Variants in FRMD6 observed in about 807,000 individuals in gnomAD.
The protein encoded by FRMD6 is FERM domain-containing protein 6.
FRMD6 carries 37 observed loss-of-function variants against 73.2 expected under a neutral mutation model. That is an observed-to-expected ratio of 0.51 (90% CI 0.39 to 0.66). FRMD6 has a LOEUF of 0.66. Among genes scored for constraint, FRMD6 ranks in the 30% least tolerant of loss-of-function variants. The pLI is 0.00. For synonymous variants in FRMD6, 273 were observed against 282.2 expected (o/e 0.97, Z 0.33); for missense variants, 714 against 780.5 (o/e 0.91, Z 1.02).
intron 11 of FRMD6, among the ~76,000 whole-genome samples, 188 bp from the exon 12 acceptor site, chr14:51,721,761 G>GGGAAGGAGGGAAGGAAGGAAGGAA (rs1555340799): frequency 2.2e-5 from 3 of 137,236 alleles, no homozygotes; most frequent in African/African-American, 8.7e-5. Flanking sequence ...GAAGGAAGGA[G>GGGAAGGAGGGAAGGAAGGAAGGAA]GGAAGGAGGG....
At chr14:51,416,799 T>G in the FRMD6 span, among the ~76,000 whole-genome samples, 15 of 152,218 alleles carry the variant, frequency 9.9e-5, no homozygotes, top group African/African-American at 3.6e-4. Flanking sequence ...AGTCTCTTTG[T>G]AGGTCTCTAA....
At chr14:51,718,438 A>G (rs1342302150) in intron 10 of FRMD6, among the ~76,000 whole-genome samples, 1 of 152,270 alleles carries the variant, frequency 6.6e-6, no homozygotes, top group East Asian at 1.9e-4. Flanking sequence ...ATTATTTTAG[A>G]ACAATGGAAC....
At chr14:51,722,514 G>C (rs911881164) in intron 12 of FRMD6, among the ~76,000 whole-genome samples, 2 of 151,854 alleles carry the variant, frequency 1.3e-5, no homozygotes, top group African/African-American at 4.8e-5. Context: ...TTTGTTTTTT[G>C]TTTTTCCCAC....
At chr14:51,425,976 G>A in the FRMD6 span, among the ~76,000 whole-genome samples, 1 of 152,040 alleles carries the variant, frequency 6.6e-6, no homozygotes, top group Non-Finnish European at 1.5e-5. Flanking sequence ...TGAGTGGATG[G>A]ATCTTCCTGG....
At chr14:51,490,576 G>T (rs1882934254) in intron 1 of FRMD6, among the ~76,000 whole-genome samples, 1 of 151,812 alleles carries the variant, frequency 6.6e-6, no homozygotes, top group South Asian at 2.1e-4. Flanking sequence ...TATAGTGTGT[G>T]GGGCACAGTG....
chr14:51,498,907 T>TA (rs1883452599), intron 1 of FRMD6, among the ~76,000 whole-genome samples: 1 of 152,226 alleles, frequency 6.6e-6, no homozygotes, highest in African/African-American at 2.4e-5. Context: ...AAGCACTTTT[T>TA]AGCACAGTCC....
intron 1 of FRMD6, among the ~76,000 whole-genome samples, chr14:51,685,672 A>G (rs576621187): frequency 9.8e-5 from 15 of 152,320 alleles, no homozygotes; most frequent in Admixed American, 2.6e-4. Flanking sequence ...GTTATCCATT[A>G]TATCTTCCTT....
chr14:51,643,745 A>T (rs146690697), intron 2 of FRMD6: 5 of 152,356 alleles, frequency 3.3e-5, no homozygotes, highest in Non-Finnish European at 7.3e-5. Context: ...AGGAAACACA[A>T]GGTGCAGTTA....
At chr14:51,710,030 T>A (rs1246647137) in intron 7 of FRMD6, among the ~76,000 whole-genome samples, 1 of 152,166 alleles carries the variant, frequency 6.6e-6, no homozygotes, top group East Asian at 1.9e-4. Flanking sequence ...GCTTTTTGCC[T>A]TATTTGCTGG....
chr14:51,593,717 G>A (rs1423754063), intron 2 of FRMD6, among the ~76,000 whole-genome samples: 2 of 152,136 alleles, frequency 1.3e-5, no homozygotes, highest in Admixed American at 6.5e-5. Flanking sequence ...CATTCTCAAA[G>A]AGAATAATCT....
intron 1 of FRMD6, among the ~76,000 whole-genome samples, chr14:51,661,463 T>C (rs1385534585): frequency 6.6e-6 from 1 of 152,204 alleles, no homozygotes; most frequent in Admixed American, 6.5e-5. Context: ...GAATGAACTA[T>C]GAGTTGTTTT....
chr14:51,612,864 G>T (rs998835092), intron 2 of FRMD6, among the ~76,000 whole-genome samples: 1 of 152,186 alleles, frequency 6.6e-6, no homozygotes, highest in Non-Finnish European at 1.5e-5. Context: ...AATATAACAT[G>T]ATAGATATGT....
At chr14:51,508,002 C>T (rs1263186216) in intron 1 of FRMD6, among the ~76,000 whole-genome samples, 1 of 152,162 alleles carries the variant, frequency 6.6e-6, no homozygotes, top group East Asian at 1.9e-4. Flanking sequence ...TGGGAGCCCC[C>T]TCATCCTTTG....
At chr14:51,456,589 T>G in the FRMD6 span, among the ~76,000 whole-genome samples, 1 of 152,228 alleles carries the variant, frequency 6.6e-6, no homozygotes, top group South Asian at 2.1e-4. Context: ...GATGATGAAC[T>G]TTTTTTTCAT....
intron 1 of FRMD6, among the ~76,000 whole-genome samples, chr14:51,682,948 C>T (rs1894903819): frequency 6.6e-6 from 1 of 152,166 alleles, no homozygotes; most frequent in African/African-American, 2.4e-5. Context: ...GATCAATAGC[C>T]CCACTGGAAA....
chr14:51,587,444 G>T (rs1889116142), intron 2 of FRMD6, among the ~76,000 whole-genome samples: 1 of 152,216 alleles, frequency 6.6e-6, no homozygotes, highest in African/African-American at 2.4e-5. Context: ...TATGGCCGCG[G>T]TGGCTGGTGC....
intron 2 of FRMD6, among the ~76,000 whole-genome samples, chr14:51,578,726 A>G (rs768475637): frequency 1.9e-4 from 29 of 152,192 alleles, no homozygotes; most frequent in Non-Finnish European, 7.3e-5. Flanking sequence ...ATGATCCCCA[A>G]TTTATAGACG....
the FRMD6 span, among the ~76,000 whole-genome samples, chr14:51,432,952 C>T: frequency 6.6e-6 from 1 of 152,048 alleles, no homozygotes; most frequent in Non-Finnish European, 1.5e-5. Context: ...TAGAAATGGC[C>T]CTTAAACATG....
At chr14:51,471,324 C>G in the FRMD6 span, among the ~76,000 whole-genome samples, 1 of 151,870 alleles carries the variant, frequency 6.6e-6, no homozygotes, top group East Asian at 1.9e-4. Flanking sequence ...CCTGTCTCTA[C>G]TAAAAATACA....
Sources: allele counts gnomAD v4.1 joint callset (sites outside exome capture counted in the v4.1 genomes callset), GRCh38; gene constraint gnomAD v4.1.1; transcripts MANE v1.5; gene names NCBI Gene and HGNC (gene_info 2026-07-23, HGNC 2026-07-21).